ELMO1: variants seen among roughly 807,000 people sequenced by gnomAD.
ELMO1 encodes the protein engulfment and cell motility protein 1.
In ELMO1, 26 loss-of-function variants were observed where a neutral mutation model predicts 98.9. The ratio of observed to expected loss-of-function variants is 0.26; its 90% confidence interval spans 0.19 to 0.36. ELMO1 has a LOEUF of 0.36. ELMO1 is among the 10% of genes least tolerant of loss of function. The probability of loss-of-function intolerance (pLI) is 1.00; values close to 1 mark genes in which losing one functional copy is unlikely to be tolerated. For missense variants in ELMO1, 627 were observed against 935.2 expected (o/e 0.67, Z 4.30); for synonymous variants, 346 against 346.0 (o/e 1.00, Z 0.00).
At chr7:36,950,903 T>C (rs1010522420) in intron 16 of ELMO1, among the ~76,000 whole-genome samples, 1 of 152,306 alleles carries the variant, frequency 6.6e-6, no homozygotes, top group Middle Eastern at 3.4e-3. Flanking sequence ...GCGTGTCTGC[T>C]TCTTGCCTCT....
At chr7:36,964,661 T>C (rs979437158) in intron 16 of ELMO1, among the ~76,000 whole-genome samples, 6 of 152,170 alleles carry the variant, frequency 3.9e-5, no homozygotes, top group Non-Finnish European at 7.3e-5. Flanking sequence ...TTTTTGTTTT[T>C]TCTACTCTGG....
chr7:36,926,939 C>T (rs1785624488), intron 16 of ELMO1, among the ~76,000 whole-genome samples: 1 of 152,230 alleles, frequency 6.6e-6, no homozygotes, highest in South Asian at 2.1e-4. Flanking sequence ...ATTTTTAAAG[C>T]AAACAATAAT....
chr7:37,034,099 A>G (rs1562911491), intron 15 of ELMO1, among the ~76,000 whole-genome samples: 2 of 152,202 alleles, frequency 1.3e-5, no homozygotes. Context: ...GTGTAATAAC[A>G]TGAGTTAAAT....
intron 15 of ELMO1, among the ~76,000 whole-genome samples, chr7:37,056,939 T>C (rs1409700477): frequency 2.0e-5 from 3 of 152,218 alleles, no homozygotes; most frequent in East Asian, 1.9e-4. Flanking sequence ...ATCTATTTCA[T>C]AGGATGGCTT....
intron 14 of ELMO1, 42 bp downstream of exon 14, chr7:37,133,088 A>G (rs764709008): frequency 1.5e-4 from 217 of 1,487,212 alleles, no homozygotes; most frequent in Non-Finnish European, 1.9e-4. Context: ...ATTAACATTG[A>G]GTAGGAAACA....
intron 16 of ELMO1, among the ~76,000 whole-genome samples, chr7:36,995,570 T>C (rs1404793526): frequency 6.6e-6 from 1 of 152,182 alleles, no homozygotes; most frequent in Admixed American, 6.5e-5. Flanking sequence ...GATATAATTT[T>C]GCAGGCTGCT....
chr7:37,322,297 G>A (rs2131146844), intron 2 of ELMO1, among the ~76,000 whole-genome samples: 1 of 152,038 alleles, frequency 6.6e-6, no homozygotes, highest in South Asian at 2.1e-4. Flanking sequence ...AGGCAACATG[G>A]CAAAACCTCA....
chr7:36,918,661 G>A (rs1268498931), intron 16 of ELMO1, among the ~76,000 whole-genome samples: 2 of 152,174 alleles, frequency 1.3e-5, no homozygotes, highest in Non-Finnish European at 2.9e-5. Flanking sequence ...CTGTCTGTCC[G>A]CTGTGCTCTC....
At chr7:37,066,353 A>C (rs980138381) in intron 15 of ELMO1, among the ~76,000 whole-genome samples, 1 of 152,142 alleles carries the variant, frequency 6.6e-6, no homozygotes, top group Non-Finnish European at 1.5e-5. Context: ...GTATTTAGCC[A>C]TTTGAGGGCA....
rs536416189 is a variant in ELMO1 at position 37,241,161 on chromosome 7, TGTGCATACACATTTAAAATTTTTAG to T, written c.449+3170_449+3194del. 5.8e-4 allele frequency among the ~76,000 whole-genome samples: 89 copies of T among 152,230 alleles called. 1 individual carries two copies. The East Asian group carries it at 0.01, about 17-fold the overall frequency. On this transcript the variant is annotated intron_variant, in intron 7 of 21. Coordinates refer to ENST00000310758, the MANE Select transcript of ELMO1 (RefSeq NM_014800.11). ...TATACACATGTATAATAATTTTAAA[TGTGCATACACATTTAAAATTTTTAG>T]GTGCATACACATTTAAAATAAAAAG... is the stretch of plus-strand genomic sequence containing the variant.
At chr7:37,225,353 T>C (rs1260733768) in intron 8 of ELMO1, among the ~76,000 whole-genome samples, 3 of 152,216 alleles carry the variant, frequency 2.0e-5, no homozygotes, top group Non-Finnish European at 4.4e-5. Context: ...TTTCAACACA[T>C]ATATTGTAAG....
At chr7:37,174,746 A>G (rs750413456) in intron 13 of ELMO1, among the ~76,000 whole-genome samples, 11 of 152,190 alleles carry the variant, frequency 7.2e-5, no homozygotes, top group Non-Finnish European at 1.0e-4. Context: ...TGTTAATTAC[A>G]TGGCAAGGAG....
intron 1 of ELMO1, among the ~76,000 whole-genome samples, chr7:37,378,494 T>C (rs1802450210): frequency 6.6e-6 from 1 of 152,110 alleles, no homozygotes; most frequent in Admixed American, 6.5e-5. Flanking sequence ...TTACCAAATC[T>C]GGACTCTGAT....
chr7:37,303,097 C>T (rs2723998), intron 4 of ELMO1, among the ~76,000 whole-genome samples: 132,028 of 152,170 alleles, frequency 0.87, 57,990 homozygotes, highest in Non-Finnish European at 0.94. Flanking sequence ...CCAGTTTATG[C>T]TCATAGTAGA....
At chr7:37,187,680 A>G (rs1351994519) in intron 13 of ELMO1, among the ~76,000 whole-genome samples, 1 of 152,166 alleles carries the variant, frequency 6.6e-6, no homozygotes, top group Non-Finnish European at 1.5e-5. Flanking sequence ...AAAAATGACC[A>G]TGCAGGTAAA....
At chr7:37,174,547 G>C (rs1321757270) in intron 13 of ELMO1, among the ~76,000 whole-genome samples, 3 of 152,174 alleles carry the variant, frequency 2.0e-5, no homozygotes, top group Non-Finnish European at 4.4e-5. Flanking sequence ...TATCGAGCGG[G>C]CTATCTGAGG....
chr7:37,122,772 C>G (rs958612185), intron 14 of ELMO1, among the ~76,000 whole-genome samples: 1 of 152,092 alleles, frequency 6.6e-6, no homozygotes, highest in African/African-American at 2.4e-5. Context: ...ACTCAGCTCT[C>G]CACCAAGCGG....
intron 16 of ELMO1, among the ~76,000 whole-genome samples, chr7:36,987,302 A>AG (rs1791580183): frequency 6.6e-6 from 1 of 152,152 alleles, no homozygotes; most frequent in Non-Finnish European, 1.5e-5. Flanking sequence ...CCTTAGCAGC[A>AG]GGGGTCGCCA....
chr7:36,974,680 A>G (rs895992019), intron 16 of ELMO1, among the ~76,000 whole-genome samples: 3 of 152,192 alleles, frequency 2.0e-5, no homozygotes, highest in Non-Finnish European at 4.4e-5. Context: ...AGGCTGCCCG[A>G]GCCAGCAGTG....
Sources: gnomAD v4.1 joint callset for allele counts (sites outside exome capture counted in the v4.1 genomes callset) on GRCh38, gnomAD v4.1.1 for gene constraint, MANE v1.5 for transcripts, NCBI Gene and HGNC (gene_info 2026-07-23, HGNC 2026-07-21) for gene names.